Variants in ZNF787 observed in about 807,000 individuals in gnomAD.
The protein encoded by ZNF787 is zinc finger protein 787.
A neutral mutation model predicts 16.9 loss-of-function variants in ZNF787; 7 were observed. That is an observed-to-expected ratio of 0.42 (90% CI 0.24 to 0.78). The LOEUF (loss-of-function observed/expected upper bound fraction) is 0.78. ZNF787 is among the 30% of genes least tolerant of loss of function. ZNF787 has a pLI of 0.30. For synonymous variants in ZNF787, 345 were observed against 270.9 expected, an observed-to-expected ratio of 1.27 and a Z score of -2.69; for missense variants, 551 against 589.3, an observed-to-expected ratio of 0.94 and a Z score of 0.67.
intron 1 of ZNF787, among the ~76,000 whole-genome samples, chr19:56,107,751 G>A (rs1180859903): frequency 1.3e-5 from 2 of 152,102 alleles, no homozygotes; most frequent in Non-Finnish European, 2.9e-5. Flanking sequence ...CAGAAAGAAG[G>A]CACCACAGGA....
chr19:56,119,778 GC>G (rs2030233147), intron 1 of ZNF787, among the ~76,000 whole-genome samples: 1 of 152,260 alleles, frequency 6.6e-6, no homozygotes, highest in African/African-American at 2.4e-5. Flanking sequence ...GTTCTCTGAG[GC>G]CGTGCGTGGC....
At chr19:56,115,955 C>T (rs1385694745) in intron 1 of ZNF787, among the ~76,000 whole-genome samples, 3 of 152,192 alleles carry the variant, frequency 2.0e-5, no homozygotes, top group Non-Finnish European at 4.4e-5. Context: ...GCCCCACACA[C>T]CTACAAAGTA....
intron 2 of ZNF787, among the ~76,000 whole-genome samples, chr19:56,091,085 A>G (rs139123738): frequency 6.6e-6 from 1 of 152,238 alleles, no homozygotes; most frequent in African/African-American, 2.4e-5. Context: ...TAAATCAAAA[A>G]ATGTTGTAAG....
chr19:56,088,629 C>T lies in ZNF787; in HGVS notation c.543G>A (p.Pro181=). 2.6e-6 allele frequency: 4 copies of T among 1,531,288 alleles called. No homozygotes were observed. Among genetic ancestry groups the T allele is most frequent in the Non-Finnish European group, 2.6e-6 (3 of 1,147,206 alleles). 94.9% of individuals were successfully genotyped at this position (1,531,288 alleles called of 1,614,324 possible). A position where few individuals can be genotyped will look rare whatever the true frequency, so the allele number is the denominator to read the frequency against. The change falls in exon 3 of 3, where the codon CCG becomes CCA. Residue 181 remains proline, a synonymous_variant. Coordinates refer to ENST00000610935, the MANE Select transcript of ZNF787 (RefSeq NM_001002836.4). The surrounding 1 kb of genome is among the most constrained non-coding windows in gnomAD (Gnocchi z 8.6). Reference sequence around the variant, plus strand: ...GCTGGCTGAAGCCGCGGCCGCAGCGCGGGCACACGAAGGGCTTGAGGCCGC... The same window carrying T: ...GCTGGCTGAAGCCGCGGCCGCAGCGTGGGCACACGAAGGGCTTGAGGCCGC... ...SHSGLKPFVC[P]RCGRGFSQPK...
At position 56,088,347 on chromosome 19, in the gene ZNF787, C is replaced by A; in HGVS notation, c.825G>T (p.Pro275=). 1 of 1,170,656 alleles carries A rather than the reference C, an allele frequency of 8.5e-7. No individual in the cohort carries two copies. Among genetic ancestry groups the A allele is most frequent in the Non-Finnish European group, 1.1e-6 (1 of 947,120 alleles). 72.5% of individuals were successfully genotyped at this position (1,170,656 alleles called of 1,614,324 possible). The change falls in exon 3 of 3, where the codon CCG becomes CCT. Residue 275 remains proline (P), a synonymous_variant. Coordinates refer to ENST00000610935, the MANE Select transcript of ZNF787 (RefSeq NM_001002836.4). The surrounding 1 kb of genome is among the most constrained non-coding windows in gnomAD (Gnocchi z 8.6). ...KAAGPRSRRA[P]APKPYVCLEC... ...CCAGACACACGTACGGCTTGGGGGC[C>A]GGGGCGCGCCGCGACCGGGGCCCCG...
intron 2 of ZNF787, among the ~76,000 whole-genome samples, chr19:56,091,871 A>C (rs1399791542): frequency 6.6e-6 from 1 of 152,150 alleles, no homozygotes; most frequent in Non-Finnish European, 1.5e-5. Context: ...TGCACCGCGC[A>C]TGGGCCAAGA....
intron 1 of ZNF787, among the ~76,000 whole-genome samples, chr19:56,108,029 A>G (rs932510230): frequency 6.6e-6 from 1 of 152,076 alleles, no homozygotes; most frequent in African/African-American, 2.4e-5. Context: ...GATGTGGAAC[A>G]TGAGGCCGGC....
At chr19:56,108,196 C>T (rs975557376) in intron 1 of ZNF787, among the ~76,000 whole-genome samples, 7 of 152,126 alleles carry the variant, frequency 4.6e-5, no homozygotes, top group East Asian at 1.9e-4. Context: ...TGCCAGGAGG[C>T]GCCGCTCCCC....
Position 56,089,096 on chromosome 19 carries a change from G to C in ZNF787, c.80-4C>G. 6.9e-7 allele frequency: 1 copy of C among 1,457,368 alleles called. No individual in the cohort carries two copies. Among genetic ancestry groups the C allele is most frequent in the South Asian group, 1.5e-5 (1 of 66,964 alleles). The allele number at this position is 1,457,368 out of a possible 1,614,324, so 90.3% of individuals were successfully genotyped here. On this transcript the variant is annotated splice_polypyrimidine_tract_variant and splice_region_variant and intron_variant, in intron 2 of 2. Transcript: ENST00000610935. ...TCATCCATGATGAGGATGTCCACTG[G>C]AAAGCAAGAGGGTAGGGGGAGGTGA...
intron 1 of ZNF787, among the ~76,000 whole-genome samples, chr19:56,106,903 C>T (rs62122452): frequency 0.11 from 17,279 of 152,190 alleles, 1,311 homozygotes; most frequent in East Asian, 0.32. Context: ...ACCGATTTTC[C>T]CGAGTCCCTC....
At chr19:56,115,186 C>G (rs902509587) in intron 1 of ZNF787, among the ~76,000 whole-genome samples, 1 of 152,002 alleles carries the variant, frequency 6.6e-6, no homozygotes, top group Non-Finnish European at 1.5e-5. Context: ...AGTGACTGGT[C>G]TGCGTAGACC....
chr19:56,092,507 G>A (rs1468032365), intron 2 of ZNF787, among the ~76,000 whole-genome samples: 1 of 145,346 alleles, frequency 6.9e-6, no homozygotes, highest in African/African-American at 2.6e-5. Flanking sequence ...AATGTTTCTA[G>A]AGCAAAATCT....
intron 2 of ZNF787, among the ~76,000 whole-genome samples, chr19:56,093,702 C>G (rs989217918): frequency 6.6e-6 from 1 of 152,190 alleles, no homozygotes; most frequent in Non-Finnish European, 1.5e-5. Context: ...CTGAAGGTCC[C>G]TTTTCCGTGA....
At chr19:56,106,102 C>T (rs1483571612) in intron 1 of ZNF787, among the ~76,000 whole-genome samples, 1 of 151,866 alleles carries the variant, frequency 6.6e-6, no homozygotes. Context: ...CCCCCTTCCG[C>T]GCCCACGGCA....
At position 56,088,435 on chromosome 19, in the gene ZNF787, ACCACGATGATGCCCTCGCCATCGC is replaced by A. The variant is rs1985433891; in HGVS notation, c.713_736del (p.Gly238_Val245del). 1 of 1,218,836 alleles carries A rather than the reference ACCACGATGATGCCCTCGCCATCGC, an allele frequency of 8.2e-7. No individual in the cohort carries two copies. Among genetic ancestry groups the A allele is most frequent in the Non-Finnish European group, 1.0e-6 (1 of 977,960 alleles). 75.5% of individuals were successfully genotyped at this position (1,218,836 alleles called of 1,614,324 possible). A position where few individuals can be genotyped will look rare whatever the true frequency, so the allele number is the denominator to read the frequency against. ...CGCGGCCCCCTCGCCCGGCGCGCCC[ACCACGATGATGCCCTCGCCATCGC>A]CCACGGGGATGGCGATCTCGCCGTC... On this transcript the variant is annotated inframe_deletion, in exon 3 of 3. Transcript: ENST00000610935. This position sits in a 1 kb window ranked among gnomAD's most constrained non-coding sequence, Gnocchi z 8.6.
chr19:56,117,262 C>T (rs962414601), intron 1 of ZNF787, among the ~76,000 whole-genome samples: 4 of 151,800 alleles, frequency 2.6e-5, no homozygotes, highest in African/African-American at 4.8e-5. Context: ...AGAGCCACAG[C>T]GAGGCTTTCA....
At chr19:56,105,753 C>T (rs943176962) in intron 1 of ZNF787, among the ~76,000 whole-genome samples, 2 of 152,182 alleles carry the variant, frequency 1.3e-5, no homozygotes, top group Non-Finnish European at 2.9e-5. Context: ...ATCCCCTCAC[C>T]ACAACATTCC....
chr19:56,118,883 C>T (rs2030210613), intron 1 of ZNF787, among the ~76,000 whole-genome samples: 1 of 152,104 alleles, frequency 6.6e-6, no homozygotes, highest in African/African-American at 2.4e-5. Flanking sequence ...GAGCTGTGAC[C>T]CCTGCCATTC....
In ZNF787 at chr19:56,088,286, G is replaced by A. The variant is rs771728264; in HGVS notation, c.886C>T (p.Leu296=). Reference sequence around the variant, plus strand: ...CCGTGCTGGGCCCGCTGGTGCGCCAGGAGCCCGGCCCCGTGCCCGAAGCCC... The same window carrying A: ...CCGTGCTGGGCCCGCTGGTGCGCCAAGAGCCCGGCCCCGTGCCCGAAGCCC... The part of the protein sequence containing the change: ...GKGFGHGAGL[L]AHQRAQHGDG... The change falls in exon 3 of 3, where the codon CTG becomes TTG. Residue 296 remains leucine (L), a synonymous_variant. Transcript: ENST00000610935. This position sits in a 1 kb window ranked among gnomAD's most constrained non-coding sequence, Gnocchi z 8.6. The A allele has an allele frequency of 3.8e-5, 53 of 1,384,270 alleles. No individual in the cohort carries two copies. The African/African-American group carries it at 7.3e-4, about 19-fold the overall frequency. 85.7% of individuals were successfully genotyped at this position (1,384,270 alleles called of 1,614,324 possible).
Sources: allele counts gnomAD v4.1 joint callset (sites outside exome capture counted in the v4.1 genomes callset), GRCh38; gene constraint gnomAD v4.1.1; non-coding constraint Gnocchi (gnomAD v3.1); transcripts MANE v1.5; gene names NCBI Gene and HGNC (gene_info 2026-07-23, HGNC 2026-07-21).